The following DYM variants were observed in gnomAD, a reference collection of about 807,000 sequenced individuals.
The protein encoded by DYM is dyggve-Melchior-Clausen syndrome protein.
DYM carries 78 observed loss-of-function variants against 93.1 expected under a neutral mutation model. The observed-to-expected ratio is 0.84, with a 90% CI of 0.70 to 1.01. The LOEUF is 1.01. DYM is among the 50% of genes least tolerant of loss of function. The pLI, the probability that DYM is intolerant of heterozygous loss-of-function variation, is 0.00. For missense variants in DYM, 789 were observed against 845.0 expected (o/e 0.93, Z 0.82); for synonymous variants, 321 against 319.7 (o/e 1.00, Z -0.04).
intron 17 of DYM, among the ~76,000 whole-genome samples, chr18:49,091,275 G>C (rs2079026672): frequency 1.3e-5 from 2 of 152,098 alleles, no homozygotes; most frequent in Non-Finnish European, 2.9e-5. Flanking sequence ...TTATCTAGGA[G>C]GATAATAATA....
intron 14 of DYM, among the ~76,000 whole-genome samples, chr18:49,196,629 T>A (rs1245246467): frequency 1.3e-5 from 2 of 151,734 alleles, no homozygotes; most frequent in Non-Finnish European, 2.9e-5. Flanking sequence ...TAAGAAAATA[T>A]GGAGAAGGAA....
chr18:49,251,793 C>G (rs1312896634), intron 13 of DYM, among the ~76,000 whole-genome samples: 1 of 152,124 alleles, frequency 6.6e-6, no homozygotes, highest in Non-Finnish European at 1.5e-5. Context: ...CAAACCCTGG[C>G]AGTCTGGCTT....
chr18:49,274,456 C>A (rs1192129306), intron 10 of DYM, among the ~76,000 whole-genome samples: 2 of 152,086 alleles, frequency 1.3e-5, no homozygotes, highest in Non-Finnish European at 2.9e-5. Flanking sequence ...TATAAACATT[C>A]ATTTACAAGT....
At position 49,092,223 on chromosome 18, in the gene DYM, G is replaced by A. The variant is rs561772137; in HGVS notation, c.2025+5179C>T. Among the ~76,000 whole-genome samples, 10 of 152,274 alleles carry A rather than the reference G, an allele frequency of 6.6e-5. No homozygotes were observed. In the East Asian group the frequency reaches 1.5e-3, roughly 23 times the overall value. On this transcript the variant is annotated intron_variant, in intron 17 of 17. Transcript: ENST00000675505. ...CATTAATACAGCAGAGAGAAATAGG[G>A]GAGTCCTATTGTTCCAGTTGGACAC...
intron 17 of DYM, among the ~76,000 whole-genome samples, chr18:49,091,565 G>C (rs2079053038): frequency 6.6e-6 from 1 of 152,076 alleles, no homozygotes; most frequent in East Asian, 1.9e-4. Context: ...ACTGGAGCAG[G>C]CATCAGTTCA....
chr18:49,063,005 C>T (rs1439126727), intron 17 of DYM, among the ~76,000 whole-genome samples: 3 of 152,206 alleles, frequency 2.0e-5, no homozygotes, highest in Non-Finnish European at 4.4e-5. Context: ...AATATTTTGC[C>T]ATGATCGGTT....
chr18:49,384,982 T>A (rs752884578), intron 3 of DYM, among the ~76,000 whole-genome samples: 1 of 147,568 alleles, frequency 6.8e-6, no homozygotes, highest in Non-Finnish European at 1.5e-5. Flanking sequence ...AAACACCTCA[T>A]CAAATTATAG....
At chr18:49,395,932 T>A (rs1371661772) in intron 2 of DYM, among the ~76,000 whole-genome samples, 1 of 152,118 alleles carries the variant, frequency 6.6e-6, no homozygotes, top group African/African-American at 2.4e-5. Flanking sequence ...TGGGGGCAGA[T>A]CCCTTATGAA....
intron 13 of DYM, among the ~76,000 whole-genome samples, chr18:49,256,357 G>C (rs2094394400): frequency 6.6e-6 from 1 of 152,174 alleles, no homozygotes; most frequent in South Asian, 2.1e-4. Context: ...TGAGGTATGA[G>C]AAGGACTCAA....
chr18:49,236,596 A>T (rs1224567280), intron 13 of DYM, among the ~76,000 whole-genome samples: 1 of 152,270 alleles, frequency 6.6e-6, no homozygotes, highest in East Asian at 1.9e-4. Flanking sequence ...ATATGGAAAG[A>T]AGAAATTGCT....
rs867279476 is a variant in DYM, at chr18:49,365,154, T to G, written c.422-1921A>C. Among the ~76,000 whole-genome samples, 6 of 149,060 alleles carry G rather than the reference T, an allele frequency of 4.0e-5. No individual in the cohort carries two copies. The Middle Eastern group carries it at 0.014, about 340-fold the overall frequency. On this transcript the variant is annotated intron_variant, in intron 5 of 17. Coordinates refer to ENST00000675505, the MANE Select transcript of DYM (RefSeq NM_001353214.3). ...TTGCAAAGCATCAAAGCACTTGGAG[T>G]CTCAAAAAAAAAAAGTTTAGCAATT...
intron 13 of DYM, among the ~76,000 whole-genome samples, chr18:49,243,600 G>A (rs374223321): frequency 6.6e-6 from 1 of 150,760 alleles, no homozygotes; most frequent in Non-Finnish European, 1.5e-5. Context: ...GGGAGGTGGA[G>A]GTTGCAGTGA....
chr18:49,090,850 T>C (rs550533448), intron 17 of DYM, among the ~76,000 whole-genome samples: 2 of 152,086 alleles, frequency 1.3e-5, no homozygotes, highest in East Asian at 3.9e-4. Flanking sequence ...CTATTGAAAA[T>C]TTAGTTAGGC....
intron 14 of DYM, among the ~76,000 whole-genome samples, chr18:49,165,133 T>C (rs73958755): frequency 1.4e-3 from 211 of 152,238 alleles, no homozygotes; most frequent in African/African-American, 4.9e-3. Flanking sequence ...CCATGTTAAT[T>C]TCCGACAAAG....
chr18:49,173,153 T>G (rs997137891), intron 14 of DYM, among the ~76,000 whole-genome samples: 1 of 152,134 alleles, frequency 6.6e-6, no homozygotes, highest in Admixed American at 6.6e-5. Flanking sequence ...ATTTCTTGAT[T>G]CTATTCAATT....
chr18:49,122,483 A>T (rs2082467844), intron 15 of DYM, among the ~76,000 whole-genome samples: 1 of 152,208 alleles, frequency 6.6e-6, no homozygotes, highest in African/African-American at 2.4e-5. Context: ...TCCTTACAGG[A>T]ATCTAATGCC....
chr18:49,234,692 T>C (rs2093808783), intron 13 of DYM, among the ~76,000 whole-genome samples: 1 of 152,128 alleles, frequency 6.6e-6, no homozygotes, highest in Non-Finnish European at 1.5e-5. Flanking sequence ...ACATGTTACA[T>C]TACAGGTCAA....
chr18:49,099,380 T>A (rs189159366), intron 16 of DYM, among the ~76,000 whole-genome samples: 25 of 152,304 alleles, frequency 1.6e-4, no homozygotes, highest in Non-Finnish European at 5.9e-5. Context: ...CCTTCTATTA[T>A]ACATCAGGCT....
chr18:49,445,532 A>C (rs1037980990), intron 1 of DYM, among the ~76,000 whole-genome samples: 7 of 152,320 alleles, frequency 4.6e-5, no homozygotes, highest in African/African-American at 1.7e-4. Flanking sequence ...AGGACAAATA[A>C]GTGAAAAACA....
Sources: gnomAD v4.1 joint callset for allele counts (sites outside exome capture counted in the v4.1 genomes callset) on GRCh38, gnomAD v4.1.1 for gene constraint, MANE v1.5 for transcripts, NCBI Gene and HGNC (gene_info 2026-07-23, HGNC 2026-07-21) for gene names.